TBCK: variants seen among roughly 807,000 people sequenced by gnomAD.
The protein encoded by TBCK is TBC domain-containing protein kinase-like protein.
In TBCK, 99 loss-of-function variants were observed where a neutral mutation model predicts 113.4. The ratio of observed to expected loss-of-function variants is 0.87; its 90% CI spans 0.74 to 1.03. TBCK has a LOEUF of 1.03. Among genes scored for constraint, TBCK ranks in the 50% least tolerant of loss-of-function variants. The pLI, the probability that TBCK is intolerant of heterozygous loss-of-function variation, is 0.00. For synonymous variants in TBCK, 369 were observed against 370.8 expected (o/e 1.00, Z 0.05); for missense variants, 1,045 against 1,061.3 (o/e 0.98, Z 0.21).
chr4:106,162,633 T>C (rs143461230), intron 23 of TBCK, among the ~76,000 whole-genome samples: 1 of 152,308 alleles, frequency 6.6e-6, no homozygotes, highest in East Asian at 1.9e-4. Context: ...TTGACTTCTA[T>C]GCACCAACAG....
At chr4:106,311,566 A>T (rs956687036) in intron 1 of TBCK, among the ~76,000 whole-genome samples, 3 of 152,168 alleles carry the variant, frequency 2.0e-5, no homozygotes, top group African/African-American at 7.2e-5. Flanking sequence ...ATTTAAAAAA[A>T]ATACTCAGAA....
chr4:106,111,770 T>C (rs1430102166), intron 24 of TBCK, among the ~76,000 whole-genome samples: 1 of 152,184 alleles, frequency 6.6e-6, no homozygotes, highest in Non-Finnish European at 1.5e-5. Context: ...TACATACTAA[T>C]TTCCCAGTCA....
intron 25 of TBCK, among the ~76,000 whole-genome samples, chr4:106,056,151 A>T (rs1735358453): frequency 1.3e-5 from 2 of 151,476 alleles, no homozygotes; most frequent in Admixed American, 1.3e-4. Context: ...CAATATGTCC[A>T]AAATTAATCA....
intron 24 of TBCK, among the ~76,000 whole-genome samples, chr4:106,111,898 T>C (rs1338080443): frequency 6.6e-6 from 1 of 152,192 alleles, no homozygotes; most frequent in Non-Finnish European, 1.5e-5. Flanking sequence ...TACTGATAAG[T>C]TACAGAACTT....
intron 20 of TBCK, among the ~76,000 whole-genome samples, chr4:106,211,297 A>G (rs907089543): frequency 2.6e-5 from 4 of 152,102 alleles, no homozygotes; most frequent in Non-Finnish European, 1.5e-5. Context: ...TTGGATCTAT[A>G]TTGTATTATA....
chr4:106,222,907 A>C (rs766730309), intron 19 of TBCK, among the ~76,000 whole-genome samples: 2 of 152,134 alleles, frequency 1.3e-5, no homozygotes, highest in Non-Finnish European at 2.9e-5. Flanking sequence ...AGAGAAAAGT[A>C]ATCTTTAGAG....
intron 25 of TBCK, among the ~76,000 whole-genome samples, chr4:106,048,161 G>A (rs1734422360): frequency 6.6e-6 from 1 of 152,084 alleles, no homozygotes; most frequent in South Asian, 2.1e-4. Flanking sequence ...TCTAAAGCAG[G>A]TGGCCCATGG....
intron 5 of TBCK, 146 bp from the exon 6 acceptor site, chr4:106,252,153 C>G (rs957438363): frequency 1.7e-6 from 1 of 591,224 alleles, no homozygotes; most frequent in Admixed American, 3.4e-5. Context: ...AACTAACCAT[C>G]ATAATACAGA....
At chr4:106,243,961 C>T (rs985298233) in intron 11 of TBCK, among the ~76,000 whole-genome samples, 5 of 152,114 alleles carry the variant, frequency 3.3e-5, no homozygotes, top group Non-Finnish European at 2.9e-5. Context: ...GCTGGGATCA[C>T]AGGCATGATC....
chr4:106,122,963 C>G (rs1326960873), intron 23 of TBCK, among the ~76,000 whole-genome samples: 1 of 152,188 alleles, frequency 6.6e-6, no homozygotes, highest in Non-Finnish European at 1.5e-5. Context: ...TGAAAACTGG[C>G]ACAAGACAGG....
At chr4:106,173,086 T>C (rs552234884) in intron 22 of TBCK, among the ~76,000 whole-genome samples, 25 of 152,272 alleles carry the variant, frequency 1.6e-4, no homozygotes, top group Middle Eastern at 6.8e-3. Flanking sequence ...ATTACTTCCA[T>C]GGCTACAAAA....
intron 20 of TBCK, among the ~76,000 whole-genome samples, chr4:106,196,103 C>A (rs554346786): frequency 1.3e-5 from 2 of 151,894 alleles, no homozygotes; most frequent in Non-Finnish European, 2.9e-5. Context: ...GTAATAAGAT[C>A]TAATATTACC....
intron 23 of TBCK, among the ~76,000 whole-genome samples, chr4:106,157,884 C>T (rs568205428): frequency 6.6e-6 from 1 of 152,236 alleles, no homozygotes; most frequent in Non-Finnish European, 1.5e-5. Flanking sequence ...TGCCCCCTCC[C>T]TATCATTTCA....
chr4:106,264,235 TAAATGAAGAAAAAA>T, intron 3 of TBCK, among the ~76,000 whole-genome samples: 1 of 19,818 alleles, frequency 5.0e-5, no homozygotes, highest in Non-Finnish European at 1.5e-4. Flanking sequence ...ATGTAGTGAT[TAAATGAAGAAAAAA>T]AAATGAAGTA....
intron 19 of TBCK, among the ~76,000 whole-genome samples, chr4:106,215,606 A>T (rs1178605016): frequency 1.3e-5 from 2 of 152,226 alleles, no homozygotes; most frequent in African/African-American, 4.8e-5. Flanking sequence ...GCAAAGATCA[A>T]AAGAGACAAA....
intron 12 of TBCK, chr4:106,237,666 C>T (rs11729801): frequency 0.058 from 22,005 of 378,900 alleles, 866 homozygotes; most frequent in Non-Finnish European, 0.081. Flanking sequence ...ATCTTTTACT[C>T]AAACTAAGAA....
chr4:106,060,074 T>C (rs1440116275), intron 25 of TBCK, among the ~76,000 whole-genome samples: 7 of 151,756 alleles, frequency 4.6e-5, no homozygotes, highest in Non-Finnish European at 8.8e-5. Context: ...CTAGCAGACA[T>C]TGGTTCATGA....
At chr4:106,194,817 G>C in intron 20 of TBCK, 63 bp from the exon 21 acceptor site, 2 of 1,349,568 alleles carry the variant, frequency 1.5e-6, no homozygotes, top group Non-Finnish European at 2.0e-6. Flanking sequence ...TAATTAGAAT[G>C]ATTACCAATA....
At chr4:106,178,358 T>C (rs1158553727) in intron 22 of TBCK, among the ~76,000 whole-genome samples, 1 of 152,014 alleles carries the variant, frequency 6.6e-6, no homozygotes, top group Non-Finnish European at 1.5e-5. Flanking sequence ...CAGTACTCTG[T>C]TGAATAAAAG....
Sources: allele counts gnomAD v4.1 joint callset (sites outside exome capture counted in the v4.1 genomes callset), GRCh38; gene constraint gnomAD v4.1.1; transcripts MANE v1.5; gene names NCBI Gene and HGNC (gene_info 2026-07-23, HGNC 2026-07-21).